The following GINS2 variants were observed in gnomAD, a reference collection of about 807,000 sequenced individuals.
The protein encoded by GINS2 is DNA replication complex GINS protein PSF2.
A neutral mutation model predicts 21.2 loss-of-function variants in GINS2; 23 were observed. The ratio of observed to expected loss-of-function variants is 1.08; its 90% CI spans 0.78 to 1.53. The LOEUF (loss-of-function observed/expected upper bound fraction) is 1.53, where lower values mean the gene tolerates loss of function less well. GINS2 is among the 40% of genes most tolerant of loss of function. GINS2 has a pLI of 0.00. For synonymous variants in GINS2, 118 were observed against 85.6 expected, an observed-to-expected ratio of 1.38 and a Z score of -2.09; for missense variants, 323 against 233.9, an observed-to-expected ratio of 1.38 and a Z score of -2.49.
At chr16:85,680,500 G>C (rs931889079) in intron 3 of GINS2, among the ~76,000 whole-genome samples, 4 of 152,268 alleles carry the variant, frequency 2.6e-5, no homozygotes, top group African/African-American at 4.8e-5. Flanking sequence ...ACCCTTGTCT[G>C]CCTTCTTCAC....
intron 3 of GINS2, among the ~76,000 whole-genome samples, chr16:85,679,855 T>TG (rs1197756556): frequency 9.2e-5 from 14 of 152,204 alleles, no homozygotes; most frequent in African/African-American, 2.9e-4. Flanking sequence ...TCCCAGGGGC[T>TG]GGCCACTGCA....
Position 85,681,800 on chromosome 16 carries a change from G to C in GINS2, c.206-119C>G, listed in dbSNP as rs2053735656. The C allele has an allele frequency of 1.6e-5, 10 of 624,552 alleles. No homozygotes were observed. In the South Asian group the frequency reaches 2.1e-4, roughly 13 times the overall value. The allele number at this position is 624,552 out of a possible 1,614,324, so 38.7% of individuals were successfully genotyped here. On this transcript the variant is annotated intron_variant, in intron 2 of 4. Coordinates refer to ENST00000253462, the MANE Select transcript of GINS2 (RefSeq NM_016095.3). ...ATACATTATCAACTAGCAAATACATGAAAAAACATTTTGGGATGACATTTG... is the reference window on the plus strand; with the variant it reads ...ATACATTATCAACTAGCAAATACATCAAAAAACATTTTGGGATGACATTTG...
chr16:85,678,774 A>C, intron 3 of GINS2, 108 bp from the exon 4 acceptor site: 1 of 1,086,408 alleles, frequency 9.2e-7, no homozygotes, highest in Non-Finnish European at 1.4e-6. Context: ...CCAGACTCAG[A>C]AAGTCTGTTT....
intron 2 of GINS2, among the ~76,000 whole-genome samples, chr16:85,684,576 T>C (rs1215318107): frequency 1.3e-5 from 2 of 151,726 alleles, no homozygotes; most frequent in Non-Finnish European, 2.9e-5. Flanking sequence ...AACAAATATG[T>C]AGTATGGAGA....
intron 2 of GINS2, among the ~76,000 whole-genome samples, chr16:85,684,552 C>A (rs187360068): frequency 1.3e-5 from 2 of 151,976 alleles, no homozygotes; most frequent in East Asian, 3.9e-4. Context: ...TATCTACCAA[C>A]AGAAGAATCG....
chr16:85,687,945 G>A (rs1253930552), intron 1 of GINS2: 1 of 166,464 alleles, frequency 6.0e-6, no homozygotes, highest in Non-Finnish European at 1.3e-5. Flanking sequence ...TCCTTCTCCA[G>A]GACTCCCAGC....
chr16:85,681,530 G>C (rs761650471), intron 3 of GINS2, 52 bp downstream of exon 3: 3 of 1,047,108 alleles, frequency 2.9e-6, no homozygotes, highest in Non-Finnish European at 4.5e-6. Context: ...TAGGGGAAGG[G>C]CATGGCGAGT....
intron 1 of GINS2, chr16:85,687,809 C>A (rs1275456589): frequency 7.6e-6 from 3 of 392,394 alleles, no homozygotes; most frequent in Non-Finnish European, 1.4e-5. Context: ...TGCAAGTCTC[C>A]CCTGAGTGGG....
At chr16:85,678,805 G>A (rs2053708527) in intron 3 of GINS2, 139 bp from the exon 4 acceptor site, 9 of 808,752 alleles carry the variant, frequency 1.1e-5, no homozygotes, top group African/African-American at 1.0e-4. Flanking sequence ...TCAACTTTAG[G>A]GTGTAAAGAT....
At chr16:85,678,932 G>C (rs926404800) in intron 3 of GINS2, among the ~76,000 whole-genome samples, 2 of 152,226 alleles carry the variant, frequency 1.3e-5, no homozygotes, top group African/African-American at 2.4e-5. Context: ...AATTAGTAGA[G>C]AATCAGCTCT....
intron 2 of GINS2, among the ~76,000 whole-genome samples, chr16:85,682,021 C>T (rs369574992): frequency 8.0e-4 from 59 of 73,364 alleles, no homozygotes; most frequent in African/African-American, 2.8e-3. Context: ...CCTTTACCGC[C>T]TTTTTTTTTT....
chr16:85,676,588 G>A lies in GINS2; in HGVS notation c.*1624C>T, dbSNP rs1008977147. ...GATAGTGTGCAGCATGCTAGACACTGGAGGGCAGATGCTGGGTGATAAGTC... is the reference window on the plus strand; with the variant it reads ...GATAGTGTGCAGCATGCTAGACACTAGAGGGCAGATGCTGGGTGATAAGTC... On this transcript the variant is annotated 3_prime_UTR_variant, in exon 5 of 5. Coordinates refer to ENST00000253462, the MANE Select transcript of GINS2 (RefSeq NM_016095.3). The A allele has an allele frequency of 6.6e-6, 1 of 152,296 alleles. No homozygotes were observed. The highest frequency in any genetic ancestry group is 2.4e-5 in the African/African-American group (1 of 41,474). 9.4% of individuals were successfully genotyped at this position (152,296 alleles called of 1,614,324 possible). A position where few individuals can be genotyped will look rare whatever the true frequency, so the allele number is the denominator to read the frequency against.
Position 85,676,798 on chromosome 16 carries a change from T to G in GINS2, c.*1414A>C, listed in dbSNP as rs1169586878. The G allele has an allele frequency of 1.3e-5, 2 of 152,156 alleles. No homozygotes were observed. Among genetic ancestry groups the G allele is most frequent in the Non-Finnish European group, 2.9e-5 (2 of 68,014 alleles). 9.4% of individuals were successfully genotyped at this position (152,156 alleles called of 1,614,324 possible). On this transcript the variant is annotated 3_prime_UTR_variant, in exon 5 of 5. Transcript: ENST00000253462. ...TGAACCCAGGAGTTCGAGGCTGCAG[T>G]GAGCTATAATCACGCCACTCTACTG...
intron 2 of GINS2, among the ~76,000 whole-genome samples, chr16:85,682,430 C>T (rs559305085): frequency 4.6e-5 from 7 of 151,464 alleles, no homozygotes; most frequent in African/African-American, 1.7e-4. Context: ...CCAGCCTGGG[C>T]GCGATACAAT....
Position 85,676,221 on chromosome 16 carries a change from T to C in GINS2, c.*1991A>G, listed in dbSNP as rs1448104359. 1.3e-5 allele frequency: 2 copies of C among 152,636 alleles called. No individual in the cohort carries two copies. Among genetic ancestry groups the C allele is most frequent in the East Asian group, 3.8e-4 (2 of 5,204 alleles). 9.5% of individuals were successfully genotyped at this position (152,636 alleles called of 1,614,324 possible). On this transcript the variant is annotated 3_prime_UTR_variant, in exon 5 of 5. Coordinates refer to ENST00000253462, the MANE Select transcript of GINS2 (RefSeq NM_016095.3). ...AATTATGTTAAGAGGAAAATCTTTT[T>C]TATGATATAAAACAAAGCCAAACAA...
At position 85,677,484 on chromosome 16, in the gene GINS2, C is replaced by T. The variant is rs947431442; in HGVS notation, c.*728G>A. 1 of 152,176 alleles carries T rather than the reference C, an allele frequency of 6.6e-6. No homozygotes were observed. Among genetic ancestry groups the T allele is most frequent in the Non-Finnish European group, 1.5e-5 (1 of 68,044 alleles). 9.4% of individuals were successfully genotyped at this position (152,176 alleles called of 1,614,324 possible). ...TACATTGGATTCGTTTTTTTCCTGACTCTCCTCTTGATAAGCAACCCATTA... is the reference window on the plus strand; with the variant it reads ...TACATTGGATTCGTTTTTTTCCTGATTCTCCTCTTGATAAGCAACCCATTA... On this transcript the variant is annotated 3_prime_UTR_variant, in exon 5 of 5. Coordinates refer to ENST00000253462, the MANE Select transcript of GINS2 (RefSeq NM_016095.3).
chr16:85,683,188 T>C (rs1380018282), intron 2 of GINS2, among the ~76,000 whole-genome samples: 2 of 152,044 alleles, frequency 1.3e-5, no homozygotes, highest in Admixed American at 6.6e-5. Context: ...AAGAAGGCCC[T>C]CCGTGAACAC....
At position 85,676,534 on chromosome 16, in the gene GINS2, G is replaced by C. The variant is rs575988994; in HGVS notation, c.*1678C>G. The C allele has an allele frequency of 6.6e-5, 10 of 152,360 alleles. No homozygotes were observed. The East Asian group carries it at 1.4e-3, about 21-fold the overall frequency. 9.4% of individuals were successfully genotyped at this position (152,360 alleles called of 1,614,324 possible). On this transcript the variant is annotated 3_prime_UTR_variant, in exon 5 of 5. Transcript: ENST00000253462. ...CCAAATAACCACCAAAACCTGCCTG[G>C]CGGGGACACGTGGGCAGCAACATGG... is the stretch of plus-strand genomic sequence containing the variant.
rs2053701811 is a variant in GINS2 at position 85,678,280 on chromosome 16, G to C, written c.490C>G (p.Leu164Val). The change falls in exon 5 of 5, where the codon CTC becomes GTC. Residue 164 changes from leucine to valine, a missense_variant. By Grantham distance (32) the Leu-to-Val change is conservative. Coordinates refer to ENST00000253462, the MANE Select transcript of GINS2 (RefSeq NM_016095.3). The part of the protein sequence containing the change: ...NTSGTFLTQA[L>V]NHMYKLRTNL... ...GTGCGGAGTTTGTACATGTGGTTGA[G>C]CGCTTGTGTGAGGAAAGTCCCGCTG... The C allele has an allele frequency of 6.2e-7, 1 of 1,612,932 alleles. No homozygotes were observed. The highest frequency in any genetic ancestry group is 8.5e-7 in the Non-Finnish European group (1 of 1,179,016).
Sources: gnomAD v4.1 joint callset for allele counts (sites outside exome capture counted in the v4.1 genomes callset) on GRCh38, gnomAD v4.1.1 for gene constraint, MANE v1.5 for transcripts, NCBI Gene and HGNC (gene_info 2026-07-23, HGNC 2026-07-21) for gene names.